The following NELFB variants were observed in gnomAD, a reference collection of about 807,000 sequenced individuals.
NELFB encodes negative elongation factor complex member B.
In NELFB, 34 loss-of-function variants were observed where a neutral mutation model predicts 60.2. That is an observed-to-expected ratio of 0.56 (90% CI 0.43 to 0.75). NELFB has a LOEUF of 0.75. Ranked by LOEUF, NELFB falls within the 30% of genes least tolerant of loss-of-function variation. NELFB has a pLI of 0.00. For synonymous variants in NELFB, 459 were observed against 382.1 expected (o/e 1.20, Z -2.35); for missense variants, 770 against 831.6 (o/e 0.93, Z 0.91).
Position 137,263,172 on chromosome 9 carries a change from C to T in NELFB, c.877C>T (p.Leu293=), listed in dbSNP as rs770620685. ...GCTGCGGGCTGAGCTGCTCATGTCC[C>T]TGCACGACCTGGACGTGGGTGAAAT... Residue 293 remains leucine (L), a synonymous_variant, in exon 5 of 13, where the codon CTG becomes TTG. Transcript: ENST00000343053. 22 of 1,613,780 alleles carry T rather than the reference C, an allele frequency of 1.4e-5. No individual in the cohort carries two copies. The highest frequency in any genetic ancestry group is 1.9e-5 in the Non-Finnish European group (22 of 1,179,978).
intron 5 of NELFB, among the ~76,000 whole-genome samples, chr9:137,263,653 C>G (rs901090363): frequency 6.6e-6 from 1 of 151,760 alleles, no homozygotes; most frequent in African/African-American, 2.4e-5. Context: ...TCTCTCCAGA[C>G]CCTGATGGGG....
intron 10 of NELFB, among the ~76,000 whole-genome samples, chr9:137,267,715 A>C (rs1199930488): frequency 6.6e-6 from 1 of 151,916 alleles, no homozygotes; most frequent in Non-Finnish European, 1.5e-5. Flanking sequence ...GCTGGTCTCG[A>C]ACTCCTGACT....
chr9:137,256,562 C>A, intron 3 of NELFB, 134 bp downstream of exon 3: 3 of 832,574 alleles, frequency 3.6e-6, no homozygotes, highest in Non-Finnish European at 5.8e-6. Context: ...CCATGGTGAG[C>A]TCTGTGCTGA....
In NELFB at chr9:137,266,994, G is replaced by A. The variant is rs146930259; in HGVS notation, c.1290G>A (p.Val430=). The stretch of plus-strand genomic sequence containing the variant: ...TCCCGATGCTCATGTCCTTCCTGGT[G>A]GATGACTACACTTTCAATGTGGATC... Residue 430 remains valine (V), a synonymous_variant, in exon 9 of 13, where the codon GTG becomes GTA. Transcript: ENST00000343053. 4.9e-5 allele frequency: 79 copies of A among 1,614,044 alleles called. No individual in the cohort carries two copies. In the African/African-American group the frequency reaches 1.0e-3, roughly 21 times the overall value.
chr9:137,256,780 AG>A (rs1564441378), intron 3 of NELFB, 43 bp from the exon 4 acceptor site: 1 of 1,590,304 alleles, frequency 6.3e-7, no homozygotes, highest in Non-Finnish European at 8.6e-7. Context: ...AAGGAGACCC[AG>A]GGACACAGGT....
chr9:137,264,420 G>A (rs1209463893), intron 6 of NELFB, 63 bp downstream of exon 6: 47 of 1,187,156 alleles, frequency 4.0e-5, no homozygotes, highest in Admixed American at 6.4e-5. Flanking sequence ...GTCTGCGCTT[G>A]CTGTGTTTTG....
chr9:137,268,787 A>T, intron 10 of NELFB, among the ~76,000 whole-genome samples: 1 of 152,144 alleles, frequency 6.6e-6, no homozygotes, highest in East Asian at 1.9e-4. Context: ...TGAGAGACAA[A>T]GATGAGAGAC....
At position 137,256,944 on chromosome 9, in the gene NELFB, C is replaced by G; in HGVS notation, c.631C>G (p.Pro211Ala). The G allele has an allele frequency of 6.2e-7, 1 of 1,614,182 alleles. No homozygotes were observed. The highest frequency in any genetic ancestry group is 8.5e-7 in the Non-Finnish European group (1 of 1,180,040). ...GGCCCTCTTCGGGGACGAGGTTTCCCCACTCCTGAAGCAGTACATCCTGGA... is the reference window on the plus strand; with the variant it reads ...GGCCCTCTTCGGGGACGAGGTTTCCGCACTCCTGAAGCAGTACATCCTGGA... Residue 211 changes from proline (P) to alanine (A), a missense_variant, in exon 4 of 13, where the codon CCA (proline) becomes GCA (alanine). Pro to Ala is a conservative substitution (Grantham distance 27, BLOSUM62 -1). Transcript: ENST00000343053.
chr9:137,266,923 C>G, intron 8 of NELFB, 21 bp from the exon 9 acceptor site: 1 of 1,612,020 alleles, frequency 6.2e-7, no homozygotes, highest in Non-Finnish European at 8.5e-7. Flanking sequence ...CGCGCCCGCT[C>G]ATGGCCTCCC....
chr9:137,262,948 G>A (rs1830467326), intron 4 of NELFB, 89 bp from the exon 5 acceptor site: 1 of 1,428,978 alleles, frequency 7.0e-7, no homozygotes, highest in East Asian at 2.3e-5. Context: ...GATGTCCAGA[G>A]AGAGGGCCGC....
intron 10 of NELFB, 93 bp from the exon 11 acceptor site, chr9:137,271,988 C>T (rs1830589182): frequency 2.0e-6 from 3 of 1,525,892 alleles, no homozygotes; most frequent in African/African-American, 2.7e-5. Flanking sequence ...TGTGAGCACC[C>T]CCAGAAGTAG....
chr9:137,272,045 T>C (rs1461659806), intron 10 of NELFB, 36 bp from the exon 11 acceptor site: 1 of 1,612,486 alleles, frequency 6.2e-7, no homozygotes, highest in Non-Finnish European at 8.5e-7. Context: ...GTGGGCAGGG[T>C]GAGTGGCACT....
chr9:137,263,319 C>G, intron 5 of NELFB, 97 bp downstream of exon 5: 1 of 1,167,440 alleles, frequency 8.6e-7, no homozygotes, highest in East Asian at 2.6e-5. Flanking sequence ...CCTCCTTCCC[C>G]CACTGCCCTC....
chr9:137,257,910 G>C (rs1006626872), intron 4 of NELFB, among the ~76,000 whole-genome samples: 4 of 151,762 alleles, frequency 2.6e-5, no homozygotes, highest in Non-Finnish European at 5.9e-5. Flanking sequence ...CTGAGCTAAA[G>C]TGATCTTCCT....
At chr9:137,267,865 C>T (rs1359720661) in intron 10 of NELFB, among the ~76,000 whole-genome samples, 1 of 152,124 alleles carries the variant, frequency 6.6e-6, no homozygotes, top group Non-Finnish European at 1.5e-5. Flanking sequence ...TTGTGCTTTC[C>T]CACAAAAAGG....
intron 10 of NELFB, among the ~76,000 whole-genome samples, chr9:137,268,640 C>T (rs1158354330): frequency 1.3e-5 from 2 of 152,102 alleles, no homozygotes; most frequent in African/African-American, 4.8e-5. Flanking sequence ...ATGGGAAGTC[C>T]GAGGTCAAGG....
At chr9:137,256,515 CT>C in intron 3 of NELFB, 87 bp downstream of exon 3, 1 of 1,198,208 alleles carries the variant, frequency 8.3e-7, no homozygotes, top group Non-Finnish European at 1.2e-6. Context: ...GGCCGCCTAG[CT>C]CCGGGAGCTT....
intron 4 of NELFB, among the ~76,000 whole-genome samples, chr9:137,257,974 A>G (rs527515364): frequency 6.7e-6 from 1 of 149,952 alleles, no homozygotes; most frequent in Admixed American, 6.6e-5. Flanking sequence ...TTAAAAATAT[A>G]TATATATTTT....
chr9:137,271,605 G>T (rs931319213), intron 10 of NELFB, among the ~76,000 whole-genome samples: 4 of 152,238 alleles, frequency 2.6e-5, no homozygotes, highest in African/African-American at 9.6e-5. Context: ...GAAGAGTTTC[G>T]TTCTCTTTCC....
Sources: allele counts gnomAD v4.1 joint callset (sites outside exome capture counted in the v4.1 genomes callset), GRCh38; gene constraint gnomAD v4.1.1; transcripts MANE v1.5; gene names NCBI Gene and HGNC (gene_info 2026-07-23, HGNC 2026-07-21).